Variants in SRPX observed in about 807,000 individuals in gnomAD.
SRPX encodes sushi repeat containing protein X-linked.
SRPX carries 24 observed loss-of-function variants against 38.1 expected under a neutral mutation model. The ratio of observed to expected loss-of-function variants is 0.63; its 90% CI spans 0.46 to 0.89. The LOEUF is 0.89. Among genes scored for constraint, SRPX ranks in the 40% least tolerant of loss-of-function variants. The pLI is 0.00. For missense variants in SRPX, 416 were observed against 377.8 expected, an observed-to-expected ratio of 1.10 and a Z score of -0.84; for synonymous variants, 184 against 153.8, an observed-to-expected ratio of 1.20 and a Z score of -1.45.
At chrX:38,209,391 A>G (rs960934055) in intron 1 of SRPX, among the ~76,000 whole-genome samples, 1 of 111,808 alleles carries the variant, frequency 8.9e-6, no homozygotes, top group African/African-American at 3.3e-5. Flanking sequence ...CAGCAGTTAC[A>G]TATCCTCACA....
At chrX:38,153,302 C>CTTTTTTTTTTTTTTTTTTTTTTTT (rs58888978) in intron 9 of SRPX, among the ~76,000 whole-genome samples, 1 of 54,740 alleles carries the variant, frequency 1.8e-5, no homozygotes, top group Admixed American at 2.6e-4. Context: ...TTCTTTCTTT[C>CTTTTTTTTTTTTTTTTTTTTTTTT]TTTTTTTTTT....
At chrX:38,189,252 A>G (rs1938849558) in intron 1 of SRPX, among the ~76,000 whole-genome samples, 1 of 111,998 alleles carries the variant, frequency 8.9e-6, no homozygotes, top group Non-Finnish European at 1.9e-5. Context: ...ATGTTACCCT[A>G]GAACACTCCC....
At chrX:38,191,409 T>C (rs896192071) in intron 1 of SRPX, among the ~76,000 whole-genome samples, 1 of 111,790 alleles carries the variant, frequency 8.9e-6, no homozygotes, top group African/African-American at 3.3e-5. Context: ...ATTCCATAAA[T>C]TTAGTGGGAC....
At chrX:38,194,572 C>A (rs1446704887) in intron 1 of SRPX, among the ~76,000 whole-genome samples, 1 of 111,985 alleles carries the variant, frequency 8.9e-6, no homozygotes, top group Non-Finnish European at 1.9e-5. Flanking sequence ...GGGAGATAGA[C>A]AAGAATCTTC....
chrX:38,158,806 C>T (rs1028059543), intron 7 of SRPX, among the ~76,000 whole-genome samples: 1 of 110,716 alleles, frequency 9.0e-6, no homozygotes, highest in Admixed American at 9.6e-5. Flanking sequence ...TGGTGAAACC[C>T]CGTCTTTACT....
At chrX:38,182,799 A>G (rs1449970414) in intron 1 of SRPX, among the ~76,000 whole-genome samples, 1 of 111,798 alleles carries the variant, frequency 8.9e-6, no homozygotes, top group Non-Finnish European at 1.9e-5. Flanking sequence ...TGCAACCACA[A>G]GGTAAGATGT....
At chrX:38,172,124 C>T in intron 3 of SRPX, 67 bp from the exon 4 acceptor site, 1 of 1,086,350 alleles carries the variant, frequency 9.2e-7, no homozygotes. Flanking sequence ...ATTTCAGAGT[C>T]TAGAAACTCT....
chrX:38,154,799 G>C (rs2147761749), intron 8 of SRPX, among the ~76,000 whole-genome samples: 1 of 112,016 alleles, frequency 8.9e-6, no homozygotes, highest in South Asian at 3.8e-4. Flanking sequence ...TGGCTTGACA[G>C]TGGGATTTTG....
intron 4 of SRPX, among the ~76,000 whole-genome samples, chrX:38,165,142 G>A (rs1286808835): frequency 8.9e-6 from 1 of 112,074 alleles, no homozygotes; most frequent in Non-Finnish European, 1.9e-5. Context: ...AAGGTGTCCT[G>A]TGGGTAATTC....
intron 1 of SRPX, among the ~76,000 whole-genome samples, chrX:38,188,913 A>G (rs190764278): frequency 1.8e-5 from 2 of 112,295 alleles, no homozygotes; most frequent in East Asian, 5.6e-4. Context: ...GAAAACCTAC[A>G]TTTGTTAAGT....
chrX:38,158,608 G>A (rs1938177430), intron 7 of SRPX, among the ~76,000 whole-genome samples: 1 of 111,333 alleles, frequency 9.0e-6, no homozygotes, highest in Non-Finnish European at 1.9e-5. Context: ...GGGACTCAGA[G>A]TCTAGGATAG....
intron 1 of SRPX, among the ~76,000 whole-genome samples, chrX:38,201,553 C>T (rs1039658727): frequency 9.8e-5 from 11 of 111,716 alleles, no homozygotes; most frequent in Admixed American, 2.8e-4. Flanking sequence ...AATTTGGGGC[C>T]GGGCATGGTG....
intron 1 of SRPX, among the ~76,000 whole-genome samples, chrX:38,183,879 C>A (rs1421389512): frequency 1.8e-5 from 2 of 111,693 alleles, no homozygotes; most frequent in East Asian, 5.6e-4. Flanking sequence ...TCAGCCATAC[C>A]TGGAGCCAAC....
At chrX:38,196,262 A>T (rs1038384750) in intron 1 of SRPX, among the ~76,000 whole-genome samples, 3 of 112,422 alleles carry the variant, frequency 2.7e-5, no homozygotes, top group South Asian at 7.3e-4. Context: ...ATAAAGGTCC[A>T]TTCAGAGAAA....
At chrX:38,186,559 C>T (rs1042466625) in intron 1 of SRPX, among the ~76,000 whole-genome samples, 3 of 112,236 alleles carry the variant, frequency 2.7e-5, no homozygotes, top group Non-Finnish European at 5.6e-5. Flanking sequence ...TTCTGATGTA[C>T]CTCTCAGCCT....
chrX:38,196,831 G>A (rs1192922995), intron 1 of SRPX, among the ~76,000 whole-genome samples: 1 of 112,185 alleles, frequency 8.9e-6, no homozygotes, highest in Non-Finnish European at 1.9e-5. Flanking sequence ...ACACAACCCA[G>A]GGACACGAAA....
chrX:38,215,298 A>G (rs1342838392), intron 1 of SRPX, among the ~76,000 whole-genome samples: 24 of 111,893 alleles, frequency 2.1e-4, no homozygotes, highest in African/African-American at 7.5e-4. Flanking sequence ...TGAATCATTC[A>G]GCTCGGGAAT....
At chrX:38,177,757 G>A (rs934407984) in intron 2 of SRPX, among the ~76,000 whole-genome samples, 3 of 111,623 alleles carry the variant, frequency 2.7e-5, no homozygotes, top group Non-Finnish European at 3.8e-5. Flanking sequence ...GTGGATTGCT[G>A]GGAATATGTA....
At chrX:38,201,635 C>T (rs1009243074) in intron 1 of SRPX, among the ~76,000 whole-genome samples, 3 of 110,902 alleles carry the variant, frequency 2.7e-5, no homozygotes, top group Non-Finnish European at 3.8e-5. Context: ...ATCGAGACCA[C>T]GGTGAAACCC....
Sources: gnomAD v4.1 joint callset for allele counts (sites outside exome capture counted in the v4.1 genomes callset) on GRCh38, gnomAD v4.1.1 for gene constraint, MANE v1.5 for transcripts, NCBI Gene and HGNC (gene_info 2026-07-23, HGNC 2026-07-21) for gene names.